Variants in LARS2 observed in about 807,000 individuals in gnomAD.
The protein encoded by LARS2 is leucyl-tRNA synthetase 2, mitochondrial.
Under a neutral mutation model 116.6 loss-of-function variants are expected in LARS2, and 81 were observed. The observed-to-expected ratio is 0.69, with a 90% CI of 0.58 to 0.84. The LOEUF (loss-of-function observed/expected upper bound fraction) is 0.84. Among genes scored for constraint, LARS2 ranks in the 40% least tolerant of loss-of-function variants. LARS2 has a pLI of 0.00. For missense variants in LARS2, 968 were observed against 1,114.5 expected (o/e 0.87, Z 1.87); for synonymous variants, 396 against 407.2 (o/e 0.97, Z 0.33).
chr3:45,435,123 C>A (rs1251637855), intron 6 of LARS2, among the ~76,000 whole-genome samples: 2 of 152,142 alleles, frequency 1.3e-5, no homozygotes, highest in Non-Finnish European at 2.9e-5. Context: ...CATGTATCCC[C>A]ACAGGGACTC....
chr3:45,465,446 G>A (rs906084690), intron 8 of LARS2, among the ~76,000 whole-genome samples: 4 of 152,228 alleles, frequency 2.6e-5, no homozygotes, highest in Non-Finnish European at 5.9e-5. Flanking sequence ...TTCTAGGGAT[G>A]GGACTGGGCA....
At chr3:45,477,958 A>T (rs192255283) in intron 10 of LARS2, among the ~76,000 whole-genome samples, 2 of 152,222 alleles carry the variant, frequency 1.3e-5, no homozygotes. Context: ...AGCCTGCTGC[A>T]TGCACTCTTG....
Position 45,458,767 on chromosome 3 carries a change from G to A in LARS2, c.631G>A (p.Asp211Asn). The A allele has an allele frequency of 1.2e-6, 2 of 1,614,206 alleles. No homozygotes were observed. Among genetic ancestry groups the A allele is most frequent in the Non-Finnish European group, 1.7e-6 (2 of 1,180,026 alleles). Residue 211 changes from aspartate to asparagine, a missense_variant, in exon 8 of 22, where the codon GAT becomes AAT. Physicochemically the swap from Asp to Asn is conservative, Grantham distance 23. Transcript: ENST00000645846. Reference sequence around the variant, plus strand: ...GGCCCTGGTTAACTGGGACCCAGTGGATCAAACAGTGCTTGCCAATGAGCA... The same window carrying A: ...GGCCCTGGTTAACTGGGACCCAGTGAATCAAACAGTGCTTGCCAATGAGCA... ...KEALVNWDPVDQTVLANEQVD... is the reference protein window; with the variant it reads ...KEALVNWDPVNQTVLANEQVD...
At chr3:45,481,215 A>G (rs4683117) in intron 10 of LARS2, among the ~76,000 whole-genome samples, 127,834 of 152,286 alleles carry the variant, frequency 0.84, 56,107 homozygotes, top group East Asian at 0.98. Context: ...TTATTTCCAA[A>G]TAATCCTCCA....
intron 9 of LARS2, 47 bp downstream of exon 9, chr3:45,474,397 T>C (rs1284695466): frequency 7.8e-7 from 1 of 1,283,920 alleles, no homozygotes; most frequent in South Asian, 1.3e-5. Context: ...ACAAATCTCC[T>C]CTACATTTGG....
intron 19 of LARS2, among the ~76,000 whole-genome samples, chr3:45,521,964 A>G (rs1700462805): frequency 6.6e-6 from 1 of 152,088 alleles, no homozygotes; most frequent in African/African-American, 2.4e-5. Context: ...AAATTAGCCA[A>G]GTGTGGTGGC....
intron 11 of LARS2, among the ~76,000 whole-genome samples, chr3:45,486,231 A>G (rs1699811292): frequency 1.3e-5 from 2 of 152,298 alleles, no homozygotes; most frequent in African/African-American, 2.4e-5. Context: ...AGCACAAATG[A>G]TAGATGTGGG....
At chr3:45,461,449 A>C (rs143994937) in intron 8 of LARS2, among the ~76,000 whole-genome samples, 1 of 152,062 alleles carries the variant, frequency 6.6e-6, no homozygotes, top group Non-Finnish European at 1.5e-5. Context: ...AGAGCCAAGC[A>C]GAAAGGCTCA....
chr3:45,416,426 A>C (rs537986100), intron 4 of LARS2, among the ~76,000 whole-genome samples: 9 of 152,106 alleles, frequency 5.9e-5, no homozygotes, highest in Admixed American at 2.0e-4. Flanking sequence ...TTTAAGAGGG[A>C]CTGTGTGCCG....
At chr3:45,436,149 T>G (rs552038167) in intron 6 of LARS2, among the ~76,000 whole-genome samples, 3 of 152,348 alleles carry the variant, frequency 2.0e-5, no homozygotes, top group Admixed American at 2.0e-4. Flanking sequence ...TGGGCACTGC[T>G]GTCACTGTTT....
At chr3:45,535,222 A>T (rs1337448831) in intron 20 of LARS2, among the ~76,000 whole-genome samples, 2 of 152,110 alleles carry the variant, frequency 1.3e-5, no homozygotes, top group African/African-American at 4.8e-5. Flanking sequence ...GTGGTGGCAC[A>T]TGCCTATAAT....
Position 45,458,823 on chromosome 3 carries a change from T to C in LARS2, c.687T>C (p.Ser229=). 2 of 1,614,200 alleles carry C rather than the reference T, an allele frequency of 1.2e-6. No individual in the cohort carries two copies. The highest frequency in any genetic ancestry group is 1.7e-6 in the Non-Finnish European group (2 of 1,179,998). The change falls in exon 8 of 22, where the codon TCT becomes TCC. Residue 229 remains serine (S), a synonymous_variant. Transcript: ENST00000645846. The stretch of plus-strand genomic sequence containing the variant: ...ATGAACATGGCTGTTCATGGCGTTC[T>C]GGAGCAAAGGTGGAACAGAAGTACC... ...QVDEHGCSWR[S]GAKVEQKYLR... is the part of the protein sequence containing the mutation.
At chr3:45,499,421 G>T (rs1164295699) in intron 14 of LARS2, among the ~76,000 whole-genome samples, 1 of 151,974 alleles carries the variant, frequency 6.6e-6, no homozygotes, top group African/African-American at 2.4e-5. Flanking sequence ...GAGCCTGGGT[G>T]ACAGAGCGAG....
At chr3:45,498,398 A>G (rs1423188342) in intron 14 of LARS2, among the ~76,000 whole-genome samples, 1 of 152,140 alleles carries the variant, frequency 6.6e-6, no homozygotes. Flanking sequence ...CCGGCCAAAT[A>G]CCATCCTTCA....
At chr3:45,504,709 G>A (rs561539292) in intron 15 of LARS2, among the ~76,000 whole-genome samples, 1 of 151,360 alleles carries the variant, frequency 6.6e-6, no homozygotes, top group East Asian at 1.9e-4. Context: ...ATTGTGTCCT[G>A]TTACTGTCAT....
chr3:45,394,939 C>G (rs1264704105), intron 3 of LARS2, among the ~76,000 whole-genome samples: 1 of 152,116 alleles, frequency 6.6e-6, no homozygotes, highest in Non-Finnish European at 1.5e-5. Flanking sequence ...ACAAGAGTTT[C>G]CAATGTGGTG....
At chr3:45,412,349 T>G (rs1413490828) in intron 4 of LARS2, among the ~76,000 whole-genome samples, 3 of 152,122 alleles carry the variant, frequency 2.0e-5, no homozygotes, top group Non-Finnish European at 4.4e-5. Flanking sequence ...AGGTTCTATT[T>G]CATGAAAACA....
At chr3:45,401,705 C>T (rs763616031) in intron 4 of LARS2, among the ~76,000 whole-genome samples, 3 of 152,086 alleles carry the variant, frequency 2.0e-5, no homozygotes, top group Non-Finnish European at 4.4e-5. Flanking sequence ...ATTGCAGCCT[C>T]GACCTCCCAG....
chr3:45,476,386 A>G, intron 9 of LARS2, 82 bp from the exon 10 acceptor site: 2 of 1,396,262 alleles, frequency 1.4e-6, no homozygotes, highest in Non-Finnish European at 2.0e-6. Flanking sequence ...TGAGGAGGGA[A>G]GGGGAAGGGG....
Sources: gnomAD v4.1 joint callset for allele counts (sites outside exome capture counted in the v4.1 genomes callset) on GRCh38, gnomAD v4.1.1 for gene constraint, MANE v1.5 for transcripts, NCBI Gene and HGNC (gene_info 2026-07-23, HGNC 2026-07-21) for gene names.